RAP1B: variants seen among roughly 807,000 people sequenced by gnomAD.
RAP1B encodes ras-related protein Rap-1b.
In RAP1B, 1 loss-of-function variant was observed where a neutral mutation model predicts 27.5. The ratio of observed to expected loss-of-function variants is 0.04; its 90% confidence interval spans 0.01 to 0.17. The LOEUF (loss-of-function observed/expected upper bound fraction) is 0.17, where lower values mean the gene tolerates loss of function less well. Among genes scored for constraint, RAP1B ranks in the 10% least tolerant of loss-of-function variants. The probability of loss-of-function intolerance (pLI) is 1.00; values close to 1 mark genes in which losing one functional copy is unlikely to be tolerated. For missense variants in RAP1B, 84 were observed against 214.8 expected (o/e 0.39, Z 3.81); for synonymous variants, 75 against 73.1 (o/e 1.03, Z -0.13).
intron 1 of RAP1B, among the ~76,000 whole-genome samples, chr12:68,634,837 G>C (rs1159382662): frequency 6.6e-6 from 1 of 152,118 alleles, no homozygotes; most frequent in Admixed American, 6.5e-5. Context: ...ATATGTTGTT[G>C]AATATTTCAG....
At chr12:68,621,265 T>C (rs1871367243) in intron 1 of RAP1B, among the ~76,000 whole-genome samples, 1 of 152,196 alleles carries the variant, frequency 6.6e-6, no homozygotes, top group Admixed American at 6.5e-5. Flanking sequence ...AATTAACTGG[T>C]CTGCTGTTCT....
rs568434833 is a variant in RAP1B, at chr12:68,648,647, C to T, written c.-26-52C>T. 1.4e-5 allele frequency: 19 copies of T among 1,340,468 alleles called. No homozygotes were observed. In the East Asian group the frequency reaches 4.3e-4, roughly 30 times the overall value. 83.0% of individuals were successfully genotyped at this position (1,340,468 alleles called of 1,614,324 possible). The stretch of plus-strand genomic sequence containing the variant: ...GAATGTTTTATTTCTGTGAAAAGCA[C>T]AGGAATACACAACTTTACTTAGAAT... On this transcript the variant is annotated intron_variant, in intron 1 of 7. Coordinates refer to ENST00000250559, the MANE Select transcript of RAP1B (RefSeq NM_001010942.3).
chr12:68,638,566 C>G (rs1872780149), intron 1 of RAP1B, among the ~76,000 whole-genome samples: 1 of 152,076 alleles, frequency 6.6e-6, no homozygotes, highest in Admixed American at 6.6e-5. Context: ...TCTATAATAT[C>G]AAACAACCAT....
chr12:68,660,214 G>A lies in RAP1B; in HGVS notation c.*965G>A, dbSNP rs1874524636. The A allele has an allele frequency of 8.3e-6, 1 of 121,148 alleles. No homozygotes were observed. 7.5% of individuals were successfully genotyped at this position (121,148 alleles called of 1,614,324 possible). ...GGTTGAGATGTTAAATGGTGGACGA[G>A]TACTGTGGATGTGAATGTGGGAAGT... On this transcript the variant is annotated 3_prime_UTR_variant, in exon 8 of 8. Coordinates refer to ENST00000250559, the MANE Select transcript of RAP1B (RefSeq NM_001010942.3).
chr12:68,651,389 A>G (rs905716393), intron 3 of RAP1B, among the ~76,000 whole-genome samples: 6 of 152,240 alleles, frequency 3.9e-5, no homozygotes, highest in Admixed American at 2.6e-4. Context: ...TACCAAAAAA[A>G]AAACTGGAAA....
chr12:68,661,325 C>T lies in RAP1B; in HGVS notation c.*2076C>T, dbSNP rs758125266. Reference sequence around the variant, plus strand: ...CTATGTCCTGTTACATCCATTGATACCGCCATTATTCAATAATTACTTTTA... The same window carrying T: ...CTATGTCCTGTTACATCCATTGATATCGCCATTATTCAATAATTACTTTTA... On this transcript the variant is annotated 3_prime_UTR_variant, in exon 8 of 8. Coordinates refer to ENST00000250559, the MANE Select transcript of RAP1B (RefSeq NM_001010942.3). The T allele has an allele frequency of 2.0e-5, 3 of 152,176 alleles. No homozygotes were observed. The highest frequency in any genetic ancestry group is 4.4e-5 in the Non-Finnish European group (3 of 68,034). 9.4% of individuals were successfully genotyped at this position (152,176 alleles called of 1,614,324 possible).
chr12:68,667,338 G>A lies in RAP1B; in HGVS notation c.*8089G>A, dbSNP rs963610122. ...TTTTGTTTTTGTTTTTTAAGAAATG[G>A]GAGGAGTGTAATATCTAGAGGTACA... On this transcript the variant is annotated 3_prime_UTR_variant, in exon 8 of 8. Transcript: ENST00000250559. 6.6e-6 allele frequency: 1 copy of A among 152,072 alleles called. No homozygotes were observed. The allele number at this position is 152,072 out of a possible 1,614,324, so 9.4% of individuals were successfully genotyped here.
At chr12:68,648,650 G>T in intron 1 of RAP1B, 49 bp from the exon 2 acceptor site, 1 of 1,354,824 alleles carries the variant, frequency 7.4e-7, no homozygotes, top group Non-Finnish European at 1.0e-6. Context: ...AAAAGCACAG[G>T]AATACACAAC....
intron 1 of RAP1B, among the ~76,000 whole-genome samples, chr12:68,647,181 T>C (rs1372384978): frequency 2.6e-5 from 4 of 152,052 alleles, no homozygotes; most frequent in Non-Finnish European, 4.4e-5. Context: ...GCTTTGCGAG[T>C]AGCTGTGATT....
chr12:68,621,105 A>T (rs541838427), intron 1 of RAP1B, among the ~76,000 whole-genome samples: 14 of 152,338 alleles, frequency 9.2e-5, no homozygotes, highest in African/African-American at 3.1e-4. Flanking sequence ...CACCAGAGGA[A>T]GAAAAAGGTT....
intron 1 of RAP1B, among the ~76,000 whole-genome samples, chr12:68,618,644 C>T (rs1029720726): frequency 1.3e-5 from 2 of 152,120 alleles, no homozygotes; most frequent in Non-Finnish European, 2.9e-5. Flanking sequence ...AGTATAAAAA[C>T]AGTGGTGGAT....
chr12:68,619,666 C>T lies in RAP1B; in HGVS notation c.-27+8623C>T, dbSNP rs569389625. Among the ~76,000 whole-genome samples the T allele has an allele frequency of 5.3e-5, 8 of 152,212 alleles. No homozygotes were observed. In the South Asian group the frequency reaches 8.3e-4, roughly 16 times the overall value. Reference sequence around the variant, plus strand: ...AATGTATTTTGTATTACTTATTTTTCCATGCTTTGCTCTCAGTGTTTAATG... The same window carrying T: ...AATGTATTTTGTATTACTTATTTTTTCATGCTTTGCTCTCAGTGTTTAATG... On this transcript the variant is annotated intron_variant, in intron 1 of 7. Coordinates refer to ENST00000250559, the MANE Select transcript of RAP1B (RefSeq NM_001010942.3).
intron 1 of RAP1B, among the ~76,000 whole-genome samples, chr12:68,633,123 ACAT>A (rs751849488): frequency 2.0e-5 from 3 of 152,198 alleles, no homozygotes; most frequent in East Asian, 1.9e-4. Flanking sequence ...GCTGGGAAAA[ACAT>A]CATCAGAGTT....
In RAP1B at chr12:68,665,433, T is replaced by G. The variant is rs952693206; in HGVS notation, c.*6184T>G. 1 of 152,232 alleles carries G rather than the reference T, an allele frequency of 6.6e-6. No individual in the cohort carries two copies. Among genetic ancestry groups the G allele is most frequent in the African/African-American group, 2.4e-5 (1 of 41,458 alleles). 9.4% of individuals were successfully genotyped at this position (152,232 alleles called of 1,614,324 possible). ...ACCATGAGTGTGAATGAAATTATTT[T>G]CGTAAGAATTACTTGGGGTTAAAAA... On this transcript the variant is annotated 3_prime_UTR_variant, in exon 8 of 8. Transcript: ENST00000250559.
intron 1 of RAP1B, among the ~76,000 whole-genome samples, chr12:68,636,274 C>G (rs1208237900): frequency 6.6e-6 from 1 of 152,124 alleles, no homozygotes; most frequent in African/African-American, 2.4e-5. Flanking sequence ...TAAGCTACTT[C>G]TTCATTTATT....
At chr12:68,652,660 T>C (rs748990455) in intron 4 of RAP1B, among the ~76,000 whole-genome samples, 13 of 150,334 alleles carry the variant, frequency 8.6e-5, no homozygotes, top group East Asian at 6.0e-4. Flanking sequence ...ACTAAAAATA[T>C]AAAAAAAATT....
intron 1 of RAP1B, among the ~76,000 whole-genome samples, chr12:68,625,067 T>C (rs1871655158): frequency 6.6e-6 from 1 of 152,268 alleles, no homozygotes; most frequent in Non-Finnish European, 1.5e-5. Context: ...ATGCATGTGA[T>C]GTTTTTTGGA....
chr12:68,626,801 T>G, intron 1 of RAP1B: 1 of 1,396,758 alleles, frequency 7.2e-7, no homozygotes. Context: ...TGTTTGTTTG[T>G]TTGTTTTGGG....
intron 1 of RAP1B, chr12:68,624,753 T>TG (rs1183492001): frequency 6.6e-6 from 1 of 152,390 alleles, no homozygotes; most frequent in African/African-American, 2.4e-5. Flanking sequence ...AGGCAGAACT[T>TG]GCAGTGAGCT....
Sources: allele counts gnomAD v4.1 joint callset (sites outside exome capture counted in the v4.1 genomes callset), GRCh38; gene constraint gnomAD v4.1.1; transcripts MANE v1.5; gene names NCBI Gene and HGNC (gene_info 2026-07-23, HGNC 2026-07-21).